Variants in ELMO1 observed in about 807,000 individuals in gnomAD.
ELMO1 encodes engulfment and cell motility 1.
Under a neutral mutation model 98.9 loss-of-function variants are expected in ELMO1, and 26 were observed. That is an observed-to-expected ratio of 0.26 (90% CI 0.19 to 0.36). The LOEUF (loss-of-function observed/expected upper bound fraction) is 0.36, where lower values mean the gene tolerates loss of function less well. Ranked by LOEUF, ELMO1 falls within the 10% of genes least tolerant of loss-of-function variation. The probability of loss-of-function intolerance (pLI) is 1.00; values close to 1 mark genes in which losing one functional copy is unlikely to be tolerated. For missense variants in ELMO1, 627 were observed against 935.2 expected (o/e 0.67, Z 4.30); for synonymous variants, 346 against 346.0 (o/e 1.00, Z 0.00).
intron 16 of ELMO1, among the ~76,000 whole-genome samples, chr7:36,939,872 T>C (rs751530195): frequency 2.6e-4 from 39 of 152,256 alleles, no homozygotes; most frequent in Non-Finnish European, 4.6e-4. Flanking sequence ...ACAAATTTCC[T>C]GTTTTATTCT....
At chr7:37,422,400 T>TC (rs1016191906) in intron 1 of ELMO1, among the ~76,000 whole-genome samples, 2 of 152,148 alleles carry the variant, frequency 1.3e-5, no homozygotes, top group African/African-American at 2.4e-5. Context: ...TCAGCTTTTT[T>TC]CCCCCAAAAA....
Position 36,861,721 on chromosome 7 carries a change from C to A in ELMO1, c.1921G>T (p.Ala641Ser). 6.2e-7 allele frequency: 1 copy of A among 1,612,390 alleles called. No homozygotes were observed. The highest frequency in any genetic ancestry group is 8.5e-7 in the Non-Finnish European group (1 of 1,179,712). The change falls in exon 21 of 22, where the codon GCT becomes TCT. Residue 641 changes from alanine to serine, a missense_variant. Ala to Ser is a moderately conservative substitution (Grantham distance 99). Around this residue, in one of 3 missense-constraint regions of ELMO1, gnomAD observed 492 missense variants for 715.6 expected, o/e 0.69. Transcript: ENST00000310758. ...LKQNKEVLELAFSILYDSNCQ... is the reference protein window; with the variant it reads ...LKQNKEVLELSFSILYDSNCQ... ...TTTGAGTCATACAAGATGGAGAAAG[C>A]GAGTTCAAGCACCTCCTACAAGAGA...
chr7:37,080,518 A>G (rs1032101654), intron 15 of ELMO1, among the ~76,000 whole-genome samples: 15 of 142,056 alleles, frequency 1.1e-4, no homozygotes, highest in African/African-American at 3.7e-4. Context: ...GTTCACTGCC[A>G]TCTCTGCCTC....
chr7:37,039,102 G>A (rs1010828288), intron 15 of ELMO1, among the ~76,000 whole-genome samples: 4 of 152,096 alleles, frequency 2.6e-5, no homozygotes, highest in African/African-American at 9.7e-5. Flanking sequence ...GTTTTATGAA[G>A]TTTAGAAAAT....
intron 16 of ELMO1, among the ~76,000 whole-genome samples, chr7:36,971,404 A>G (rs1041193973): frequency 6.6e-6 from 1 of 152,244 alleles, no homozygotes; most frequent in Non-Finnish European, 1.5e-5. Context: ...AAGTCATTTA[A>G]AGTCAAACTG....
intron 4 of ELMO1, 130 bp from the exon 5 acceptor site, chr7:37,272,012 T>A: frequency 1.3e-6 from 1 of 751,588 alleles, no homozygotes; most frequent in Non-Finnish European, 2.2e-6. Context: ...TTTTAATTAT[T>A]TCTATAAAGG....
chr7:36,982,206 G>T (rs569432334), intron 16 of ELMO1, among the ~76,000 whole-genome samples: 1 of 152,298 alleles, frequency 6.6e-6, no homozygotes, highest in East Asian at 1.9e-4. Context: ...TTTTAACTAT[G>T]AATTTTATGA....
In ELMO1 at chr7:37,298,420, A is replaced by C. The variant is rs533365157; in HGVS notation, c.192+16430T>G. On this transcript the variant is annotated intron_variant, in intron 4 of 21. Transcript: ENST00000310758. ...TGCACCCACTAACTCGTCATCTAGC[A>C]TTAGGTATATCTCCCAATGCTATCC... 1.4e-3 allele frequency among the ~76,000 whole-genome samples: 203 copies of C among 145,656 alleles called. 1 individual carries two copies. The highest frequency in any genetic ancestry group is 5.1e-3 in the African/African-American group (198 of 38,946).
chr7:36,853,408 G>T lies in ELMO1; in HGVS notation c.*2143C>A, dbSNP rs949116047. Reference sequence around the variant, plus strand: ...GGTCCAGAAAGTTCCCTTTTTCATGGATTGGATCTTGTAACCCATAAGAAA... The same window carrying T: ...GGTCCAGAAAGTTCCCTTTTTCATGTATTGGATCTTGTAACCCATAAGAAA... On this transcript the variant is annotated 3_prime_UTR_variant, in exon 22 of 22. Coordinates refer to ENST00000310758, the MANE Select transcript of ELMO1 (RefSeq NM_014800.11). 2.0e-5 allele frequency among the ~76,000 whole-genome samples: 3 copies of T among 152,164 alleles called. No homozygotes were observed. Among genetic ancestry groups the T allele is most frequent in the African/African-American group, 4.8e-5 (2 of 41,436 alleles).
intron 6 of ELMO1, among the ~76,000 whole-genome samples, chr7:37,253,667 T>C (rs1370091029): frequency 2.0e-5 from 3 of 149,590 alleles, no homozygotes; most frequent in African/African-American, 7.4e-5. Context: ...ATGGCATGTG[T>C]ATACCTATGT....
chr7:36,938,677 C>A (rs971887796), intron 16 of ELMO1, among the ~76,000 whole-genome samples: 2 of 152,192 alleles, frequency 1.3e-5, no homozygotes, highest in South Asian at 2.1e-4. Flanking sequence ...CAGCTGCCAA[C>A]TCCTGATGCA....
Position 37,434,122 on chromosome 7 carries a change from A to G in ELMO1, c.-74+14553T>C, listed in dbSNP as rs143806996. On this transcript the variant is annotated intron_variant, in intron 1 of 21. Coordinates refer to ENST00000310758, the MANE Select transcript of ELMO1 (RefSeq NM_014800.11). ...TCCATTTTGGGTGCACTGAAAGAAAATCCCCCCAGTATTGGGAGAACAGAT... is the reference window on the plus strand; with the variant it reads ...TCCATTTTGGGTGCACTGAAAGAAAGTCCCCCCAGTATTGGGAGAACAGAT... Among the ~76,000 whole-genome samples the G allele has an allele frequency of 5.3e-3, 808 of 152,208 alleles. 6 individuals carry two copies. Among genetic ancestry groups the G allele is most frequent in the African/African-American group, 0.018 (761 of 41,534 alleles).
chr7:37,073,572 ATGTG>A (rs10676771), intron 15 of ELMO1, among the ~76,000 whole-genome samples: 3 of 146,416 alleles, frequency 2.0e-5, no homozygotes, highest in South Asian at 2.2e-4. Context: ...TTGTTTTTGT[ATGTG>A]TGTGTGTGTG....
Position 37,373,728 on chromosome 7 carries a change from A to T in ELMO1, c.-73-30965T>A, listed in dbSNP as rs147142963. Among the ~76,000 whole-genome samples, 322 of 152,348 alleles carry T rather than the reference A, an allele frequency of 2.1e-3. 4 individuals are homozygous for T. The highest frequency in any genetic ancestry group is 7.4e-3 in the African/African-American group (307 of 41,578). On this transcript the variant is annotated intron_variant, in intron 1 of 21. Coordinates refer to ENST00000310758, the MANE Select transcript of ELMO1 (RefSeq NM_014800.11). ...TCATAAACGCTTAATGGCTGTGCAAACAATTTGCACTCACTTTAAACCAAT... is the reference window on the plus strand; with the variant it reads ...TCATAAACGCTTAATGGCTGTGCAATCAATTTGCACTCACTTTAAACCAAT...
At chr7:36,893,177 G>A (rs1805704879) in intron 17 of ELMO1, among the ~76,000 whole-genome samples, 1 of 152,158 alleles carries the variant, frequency 6.6e-6, no homozygotes, top group African/African-American at 2.4e-5. Context: ...ACTTATTATG[G>A]AAAGCATAAT....
intron 2 of ELMO1, among the ~76,000 whole-genome samples, chr7:37,330,187 C>A (rs1800028372): frequency 6.6e-6 from 1 of 152,212 alleles, no homozygotes; most frequent in South Asian, 2.1e-4. Flanking sequence ...AAGCTCTTTA[C>A]ATATTTTGTC....
At chr7:36,907,956 TA>T (rs1296280298) in intron 16 of ELMO1, among the ~76,000 whole-genome samples, 1 of 152,236 alleles carries the variant, frequency 6.6e-6, no homozygotes, top group African/African-American at 2.4e-5. Context: ...GACGGGTCAA[TA>T]ACTTTGGATC....
chr7:37,364,747 C>T (rs906196303), intron 1 of ELMO1, among the ~76,000 whole-genome samples: 1 of 152,126 alleles, frequency 6.6e-6, no homozygotes, highest in Non-Finnish European at 1.5e-5. Context: ...TCCTGTTTTT[C>T]AGGTACCAGA....
chr7:37,221,195 T>C (rs1273052232), intron 10 of ELMO1, among the ~76,000 whole-genome samples: 2 of 152,110 alleles, frequency 1.3e-5, no homozygotes, highest in Non-Finnish European at 2.9e-5. Flanking sequence ...CAGGAAACTA[T>C]AAAGTGACAC....
Sources: allele counts gnomAD v4.1 joint callset (sites outside exome capture counted in the v4.1 genomes callset), GRCh38; gene constraint gnomAD v4.1.1; regional missense constraint gnomAD v4.1.1; transcripts MANE v1.5; gene names NCBI Gene and HGNC (gene_info 2026-07-23, HGNC 2026-07-21).